Variants in CCDC63 observed in about 807,000 individuals in gnomAD.
CCDC63 encodes coiled-coil domain-containing protein 63.
CCDC63 carries 54 observed loss-of-function variants against 63.6 expected under a neutral mutation model. That is an observed-to-expected ratio of 0.85 (90% CI 0.68 to 1.07). The LOEUF (loss-of-function observed/expected upper bound fraction) is 1.07. Ranked by LOEUF, CCDC63 falls within the 50% of genes least tolerant of loss-of-function variation. The pLI is 0.00. For synonymous variants in CCDC63, 253 were observed against 266.1 expected (o/e 0.95, Z 0.48); for missense variants, 637 against 689.6 (o/e 0.92, Z 0.86).
chr12:110,876,663 T>C (rs2071134404), intron 5 of CCDC63, among the ~76,000 whole-genome samples: 1 of 152,120 alleles, frequency 6.6e-6, no homozygotes, highest in Non-Finnish European at 1.5e-5. Context: ...AGGAATATTT[T>C]TTTGTAGTTG....
chr12:110,890,576 T>G (rs967231356), intron 8 of CCDC63, among the ~76,000 whole-genome samples: 5 of 152,034 alleles, frequency 3.3e-5, no homozygotes, highest in African/African-American at 1.2e-4. Context: ...AATTAACATT[T>G]TATTGACACT....
At chr12:110,879,814 G>C (rs2071174554) in intron 5 of CCDC63, 92 bp from the exon 6 acceptor site, 1 of 1,263,540 alleles carries the variant, frequency 7.9e-7, no homozygotes, top group Admixed American at 1.8e-5. Context: ...TATGAGGTGG[G>C]GCAAAGACCT....
At chr12:110,848,025 C>T (rs1337334168) in intron 1 of CCDC63, among the ~76,000 whole-genome samples, 1 of 152,256 alleles carries the variant, frequency 6.6e-6, no homozygotes, top group African/African-American at 2.4e-5. Flanking sequence ...CGTCCCCTGA[C>T]CTGGGCTGCT....
chr12:110,887,341 G>A (rs1404126582), intron 8 of CCDC63, among the ~76,000 whole-genome samples: 1 of 152,054 alleles, frequency 6.6e-6, no homozygotes, highest in Non-Finnish European at 1.5e-5. Context: ...GGCCAGGATG[G>A]TCTCGAACGC....
chr12:110,899,690 C>CTT (rs60708943), intron 10 of CCDC63, among the ~76,000 whole-genome samples: 17 of 138,258 alleles, frequency 1.2e-4, no homozygotes, highest in African/African-American at 4.0e-4. Context: ...TTAATGCCTT[C>CTT]TTTTTTTTTT....
At chr12:110,875,466 G>A (rs1193719280) in intron 5 of CCDC63, among the ~76,000 whole-genome samples, 3 of 150,746 alleles carry the variant, frequency 2.0e-5, no homozygotes, top group East Asian at 1.9e-4. Context: ...TTTTTGAGAC[G>A]GAGTCTCACT....
chr12:110,861,489 C>T (rs745711690), intron 4 of CCDC63, among the ~76,000 whole-genome samples: 12 of 152,214 alleles, frequency 7.9e-5, no homozygotes, highest in Middle Eastern at 3.4e-3. Flanking sequence ...CAGGACTTTG[C>T]GTGTGCTATT....
upstream of CCDC63, chr12:110,845,957 T>TAAAAAAAA: frequency 8.4e-5 from 1 of 11,898 alleles, no homozygotes; most frequent in Non-Finnish European, 1.8e-4. Context: ...TTAGTAGAAA[T>TAAAAAAAA]ACAAAAAAAA....
intron 4 of CCDC63, among the ~76,000 whole-genome samples, chr12:110,871,742 G>A (rs1185118240): frequency 6.6e-6 from 1 of 152,006 alleles, no homozygotes; most frequent in Non-Finnish European, 1.5e-5. Flanking sequence ...AGATCAAGAG[G>A]TAGATTATTG....
chr12:110,906,318 AGAG>A (rs141428157), intron 11 of CCDC63, among the ~76,000 whole-genome samples: 6,496 of 131,854 alleles, frequency 0.049, 556 homozygotes, highest in African/African-American at 0.17. Flanking sequence ...AGAGGCAGGA[AGAG>A]GAGGAGGAGG....
intron 8 of CCDC63, among the ~76,000 whole-genome samples, chr12:110,886,337 G>A (rs1227737377): frequency 6.6e-6 from 1 of 152,094 alleles, no homozygotes; most frequent in Admixed American, 6.5e-5. Context: ...AGTGAGCCGA[G>A]ATGGCGCCAC....
rs531330889 is a variant in CCDC63, at chr12:110,855,825, C to T, written c.179+2251C>T. ...CAAACTCCTGACCTCAGGTGATCCA[C>T]CCGCCTCGGCCTCCCAAAGTGCTGG... On this transcript the variant is annotated intron_variant, in intron 3 of 11. Transcript: ENST00000308208. Among the ~76,000 whole-genome samples the T allele has an allele frequency of 5.3e-5, 8 of 152,296 alleles. No homozygotes were observed. The South Asian group carries it at 1.7e-3, about 32-fold the overall frequency.
chr12:110,881,800 G>A (rs1001030991), intron 7 of CCDC63, among the ~76,000 whole-genome samples: 2 of 152,090 alleles, frequency 1.3e-5, no homozygotes, highest in Non-Finnish European at 2.9e-5. Context: ...TGCAGCATTT[G>A]GGACATACTT....
intron 4 of CCDC63, among the ~76,000 whole-genome samples, chr12:110,863,263 C>CGTGT (rs34959062): frequency 0.013 from 2,013 of 149,200 alleles, 43 homozygotes; most frequent in African/African-American, 0.033. Context: ...GTGACACACA[C>CGTGT]GTGTGTGTGT....
chr12:110,892,124 A>G (rs2071364619), intron 8 of CCDC63, among the ~76,000 whole-genome samples: 1 of 152,084 alleles, frequency 6.6e-6, no homozygotes, highest in Admixed American at 6.6e-5. Flanking sequence ...CTGCATTTTC[A>G]CAAGCCTCCA....
intron 10 of CCDC63, among the ~76,000 whole-genome samples, chr12:110,902,394 C>T (rs149184760): frequency 2.6e-5 from 4 of 152,194 alleles, no homozygotes; most frequent in African/African-American, 7.2e-5. Flanking sequence ...ATCCTCCTCT[C>T]GATCCTTCCA....
chr12:110,906,053 A>AT (rs1243408278), intron 11 of CCDC63, among the ~76,000 whole-genome samples: 10 of 87,422 alleles, frequency 1.1e-4, no homozygotes, highest in East Asian at 8.7e-4. Flanking sequence ...TATATAATAT[A>AT]TATATAATAT....
intron 1 of CCDC63, among the ~76,000 whole-genome samples, chr12:110,852,492 C>T (rs1000904945): frequency 1.3e-5 from 2 of 152,080 alleles, no homozygotes; most frequent in Admixed American, 1.3e-4. Context: ...GAACTCCTGA[C>T]CTCAAGTGAT....
At chr12:110,845,052 G>A (rs557098262), upstream of CCDC63, among the ~76,000 whole-genome samples, 49 of 152,188 alleles carry the variant, frequency 3.2e-4, 1 homozygote, top group South Asian at 8.7e-3. Flanking sequence ...TCCAAGTCCC[G>A]CTGATAAAGC....
Sources: allele counts gnomAD v4.1 joint callset (sites outside exome capture counted in the v4.1 genomes callset), GRCh38; gene constraint gnomAD v4.1.1; transcripts MANE v1.5; gene names NCBI Gene and HGNC (gene_info 2026-07-23, HGNC 2026-07-21).